KDM4B: variants seen among roughly 807,000 people sequenced by gnomAD.
KDM4B encodes the protein lysine-specific demethylase 4B.
KDM4B carries 32 observed loss-of-function variants against 125.2 expected under a neutral mutation model. That is an observed-to-expected ratio of 0.26 (90% CI 0.19 to 0.34). The LOEUF is 0.34. KDM4B is among the 10% of genes least tolerant of loss of function. The probability of loss-of-function intolerance (pLI) is 1.00; values close to 1 mark genes in which losing one functional copy is unlikely to be tolerated. For synonymous variants in KDM4B, 721 were observed against 677.9 expected (o/e 1.06, Z -0.99); for missense variants, 1,190 against 1,577.7 (o/e 0.75, Z 4.16).
intron 11 of KDM4B, among the ~76,000 whole-genome samples, chr19:5,130,123 C>T (rs1372289284): frequency 1.3e-5 from 2 of 152,180 alleles, no homozygotes; most frequent in African/African-American, 2.4e-5. Flanking sequence ...CTCTCTCTGA[C>T]TCTCACCCTC....
intron 6 of KDM4B, among the ~76,000 whole-genome samples, chr19:5,065,726 GGCTCCA>G (rs1568270915): frequency 6.6e-6 from 1 of 152,184 alleles, no homozygotes. Flanking sequence ...CCCTGGTTCC[GGCTCCA>G]GCTCCGGCTC....
intron 9 of KDM4B, among the ~76,000 whole-genome samples, chr19:5,089,119 G>T (rs2038605434): frequency 1.3e-5 from 2 of 152,168 alleles, no homozygotes; most frequent in Non-Finnish European, 2.9e-5. Flanking sequence ...GGCGAAGATG[G>T]TCTCCCCACT....
At chr19:4,992,062 A>G (rs1252073650) in intron 1 of KDM4B, among the ~76,000 whole-genome samples, 1 of 152,166 alleles carries the variant, frequency 6.6e-6, no homozygotes, top group Non-Finnish European at 1.5e-5. Context: ...ATGGAGGACA[A>G]GATCCAAGGT....
At chr19:5,150,666 C>A (rs1044654805) in intron 22 of KDM4B, among the ~76,000 whole-genome samples, 1 of 152,116 alleles carries the variant, frequency 6.6e-6, no homozygotes, top group South Asian at 2.1e-4. Flanking sequence ...AGCTCCTGGG[C>A]GATGCCGTTA....
intron 6 of KDM4B, among the ~76,000 whole-genome samples, chr19:5,069,400 C>T (rs929912308): frequency 3.3e-5 from 5 of 151,874 alleles, no homozygotes; most frequent in African/African-American, 4.8e-5. Flanking sequence ...ACCTCCACTT[C>T]CTGGATTCAA....
intron 2 of KDM4B, among the ~76,000 whole-genome samples, chr19:5,028,984 C>G (rs1025638388): frequency 6.6e-6 from 1 of 152,236 alleles, no homozygotes; most frequent in Non-Finnish European, 1.5e-5. Flanking sequence ...AATCTTGGCT[C>G]ACTGCAACCT....
intron 11 of KDM4B, among the ~76,000 whole-genome samples, chr19:5,126,047 C>G (rs953475393): frequency 6.6e-6 from 1 of 152,204 alleles, no homozygotes; most frequent in African/African-American, 2.4e-5. Context: ...AGTTTCACGC[C>G]CCTAAAAGCT....
intron 6 of KDM4B, among the ~76,000 whole-genome samples, chr19:5,066,782 A>G (rs2037783423): frequency 6.6e-6 from 1 of 152,126 alleles, no homozygotes; most frequent in African/African-American, 2.4e-5. Context: ...CCGAGTTTCT[A>G]TGACTTTGTG....
Position 5,131,502 on chromosome 19 carries a change from G to T in KDM4B, c.1742G>T (p.Gly581Val). The change falls in exon 12 of 23, where the codon GGG (glycine) becomes GTG (valine). Residue 581 changes from glycine to valine, a missense_variant. Physicochemically the swap from Gly to Val is moderately radical, Grantham distance 109. This residue lies in a region of KDM4B where 428 missense variants were observed against 405.1 expected (regional missense o/e 1.06). Transcript: ENST00000159111. ...TGPEDGAASS[G>V]AGRMETKARA... Reference sequence around the variant, plus strand: ...CCAGAGGACGGTGCAGCCAGCAGTGGGGCAGGTCGCATGGAGACCAAAGCC... The same window carrying T: ...CCAGAGGACGGTGCAGCCAGCAGTGTGGCAGGTCGCATGGAGACCAAAGCC... 1 of 1,540,130 alleles carries T rather than the reference G, an allele frequency of 6.5e-7. No homozygotes were observed. The highest frequency in any genetic ancestry group is 8.7e-7 in the Non-Finnish European group (1 of 1,150,710).
intron 9 of KDM4B, among the ~76,000 whole-genome samples, chr19:5,094,919 C>CA (rs1376846222): frequency 1.3e-5 from 2 of 152,188 alleles, no homozygotes; most frequent in Non-Finnish European, 2.9e-5. Context: ...TCATCGCCGT[C>CA]ACCACAGACA....
intron 2 of KDM4B, among the ~76,000 whole-genome samples, chr19:5,025,691 C>T (rs905737154): frequency 6.6e-6 from 1 of 152,206 alleles, no homozygotes; most frequent in African/African-American, 2.4e-5. Context: ...GGGGCCTTAG[C>T]TCTTCCCTGG....
At chr19:5,110,415 TG>T (rs1482195158) in intron 9 of KDM4B, among the ~76,000 whole-genome samples, 14 of 152,154 alleles carry the variant, frequency 9.2e-5, no homozygotes, top group African/African-American at 3.4e-4. Context: ...GAGGCTACAA[TG>T]AGCCATGATT....
chr19:5,121,263 T>C (rs2039355491), intron 11 of KDM4B, among the ~76,000 whole-genome samples: 1 of 151,714 alleles, frequency 6.6e-6, no homozygotes, highest in East Asian at 1.9e-4. Context: ...CGGGGGTGAG[T>C]TTGCCCCTGA....
At chr19:5,140,770 T>C (rs1485526306) in intron 18 of KDM4B, 1 of 151,294 alleles carries the variant, frequency 6.6e-6, no homozygotes, top group Non-Finnish European at 1.5e-5. Context: ...AATGCAGATG[T>C]TGCTGGGGCC....
chr19:5,132,768 G>T (rs2039581566), intron 13 of KDM4B, among the ~76,000 whole-genome samples: 1 of 152,182 alleles, frequency 6.6e-6, no homozygotes. Flanking sequence ...CGGAGCATTT[G>T]CCTGTGAGAC....
At chr19:5,000,323 A>G (rs1014318586) in intron 1 of KDM4B, among the ~76,000 whole-genome samples, 8 of 148,928 alleles carry the variant, frequency 5.4e-5, no homozygotes, top group Middle Eastern at 7.2e-3. Flanking sequence ...CTGTCCATCC[A>G]TCCATCCACC....
intron 13 of KDM4B, among the ~76,000 whole-genome samples, chr19:5,132,607 C>G (rs1188849769): frequency 6.6e-6 from 1 of 152,014 alleles, no homozygotes; most frequent in African/African-American, 2.4e-5. Context: ...GTGGAGGAAT[C>G]GGCACGGGGA....
At chr19:5,146,957 A>AAAG (rs1568327645) in intron 21 of KDM4B, among the ~76,000 whole-genome samples, 1 of 150,618 alleles carries the variant, frequency 6.6e-6, no homozygotes. Flanking sequence ...AAAAAAAAAA[A>AAAG]AAAAACAAAA....
rs2039980368 is a variant in KDM4B, at chr19:5,153,401, A to C, written c.*1890A>C. The C allele has an allele frequency of 6.6e-6, 1 of 152,262 alleles. No individual in the cohort carries two copies. Among genetic ancestry groups the C allele is most frequent in the Non-Finnish European group, 1.5e-5 (1 of 68,068 alleles). The allele number at this position is 152,262 out of a possible 1,614,324, so 9.4% of individuals were successfully genotyped here. On this transcript the variant is annotated 3_prime_UTR_variant, in exon 23 of 23. Transcript: ENST00000159111. ...TGGTGGGCTCCTGGGCGGCCTGCGC[A>C]GATGGGCCACAGAAGGGCAGGCCGG...
Sources: allele counts gnomAD v4.1 joint callset (sites outside exome capture counted in the v4.1 genomes callset), GRCh38; gene constraint gnomAD v4.1.1; regional missense constraint gnomAD v4.1.1; transcripts MANE v1.5; gene names NCBI Gene and HGNC (gene_info 2026-07-23, HGNC 2026-07-21).